Variants in PRRC2C observed in about 807,000 individuals in gnomAD.
PRRC2C encodes protein PRRC2C.
PRRC2C carries 72 observed loss-of-function variants against 317.2 expected under a neutral mutation model. That is an observed-to-expected ratio of 0.23 (90% CI 0.19 to 0.28). The LOEUF (loss-of-function observed/expected upper bound fraction) is 0.28, where lower values mean the gene tolerates loss of function less well. Among genes scored for constraint, PRRC2C ranks in the 10% least tolerant of loss-of-function variants. The pLI, the probability that PRRC2C is intolerant of heterozygous loss-of-function variation, is 1.00. For synonymous variants in PRRC2C, 1,296 were observed against 1,205.9 expected (o/e 1.07, Z -1.55); for missense variants, 3,074 against 3,459.7 (o/e 0.89, Z 2.80).
At chr1:171,542,888 G>C (rs564653828) in intron 16 of PRRC2C, among the ~76,000 whole-genome samples, 1 of 151,936 alleles carries the variant, frequency 6.6e-6, no homozygotes, top group East Asian at 2.0e-4. Context: ...AGCCTCCCAA[G>C]TAGCTGGGAC....
In PRRC2C at chr1:171,557,691, C is replaced by T; in HGVS notation, c.5579C>T (p.Ser1860Leu). 1 of 1,551,658 alleles carries T rather than the reference C, an allele frequency of 6.4e-7. No homozygotes were observed. The highest frequency in any genetic ancestry group is 8.7e-7 in the Non-Finnish European group (1 of 1,147,002). ...CCAGCTTCTGTCACCATTCTTGCCT[C>T]AGCCTCAATTCCCATTCTTGCTTCA... ...STPASVTILA[S>L]ASIPILASAL... The change falls in exon 19 of 35, where the codon TCA becomes TTA. Residue 1860 changes from serine to leucine, a missense_variant. Physicochemically the swap from Ser to Leu is moderately radical, Grantham distance 145 (BLOSUM62 -2). Coordinates refer to ENST00000647382, the MANE Select transcript of PRRC2C (RefSeq NM_001387844.1).
At chr1:171,553,310 C>T (rs1211159568) in intron 18 of PRRC2C, among the ~76,000 whole-genome samples, 2 of 151,894 alleles carry the variant, frequency 1.3e-5, no homozygotes, top group African/African-American at 4.8e-5. Context: ...TGGTGATATC[C>T]CCTTTATCAA....
intron 17 of PRRC2C, among the ~76,000 whole-genome samples, chr1:171,546,242 A>C (rs954422511): frequency 3.3e-5 from 5 of 152,200 alleles, no homozygotes; most frequent in African/African-American, 1.2e-4. Context: ...ATGAAGAAAA[A>C]ACAGACAAGG....
rs116748950 is a variant in PRRC2C at position 171,534,697 on chromosome 1, A to C, written c.1874-731A>C. On this transcript the variant is annotated intron_variant, in intron 12 of 34. Coordinates refer to ENST00000647382, the MANE Select transcript of PRRC2C (RefSeq NM_001387844.1). ...CACCTCAGCCTCCTGAGTTACTGTT[A>C]TTACAGTCATGCACCACCATGACCT... is the stretch of plus-strand genomic sequence containing the variant. 6.1e-3 allele frequency among the ~76,000 whole-genome samples: 924 copies of C among 152,078 alleles called. 8 individuals carry two copies. The highest frequency in any genetic ancestry group is 0.022 in the African/African-American group (892 of 41,458).
At chr1:171,506,599 G>T (rs1670268879) in intron 1 of PRRC2C, among the ~76,000 whole-genome samples, 1 of 57,244 alleles carries the variant, frequency 1.7e-5, no homozygotes, top group Non-Finnish European at 3.5e-5. Flanking sequence ...TTCACTTAAG[G>T]TCTTTTTTTT....
chr1:171,553,060 G>A (rs964964703), intron 18 of PRRC2C, among the ~76,000 whole-genome samples: 7 of 152,114 alleles, frequency 4.6e-5, no homozygotes, highest in Admixed American at 2.6e-4. Context: ...TTGTACCTCT[G>A]GTAGAATTCA....
In PRRC2C at chr1:171,520,797, CTTTTTTTTTTTTT is replaced by C. The variant is rs61220175; in HGVS notation, c.751-1370_751-1358del. On this transcript the variant is annotated intron_variant, in intron 6 of 34. Transcript: ENST00000647382. ...CCTGACTTAAGAGAAATTTCTTCTC[CTTTTTTTTTTTTT>C]TTTTTTTTTAATAAAGACGGAGTTT... 3.5e-3 allele frequency among the ~76,000 whole-genome samples: 378 copies of C among 109,324 alleles called. 2 individuals are homozygous for C. Among genetic ancestry groups the C allele is most frequent in the Middle Eastern group, 0.012 (2 of 168 alleles). The allele number at this position is 109,324 out of a possible 152,430, so 71.7% of individuals were successfully genotyped here. A position where few individuals can be genotyped will look rare whatever the true frequency, so the allele number is the denominator to read the frequency against.
At chr1:171,502,302 C>T (rs1669266607) in intron 1 of PRRC2C, among the ~76,000 whole-genome samples, 1 of 152,216 alleles carries the variant, frequency 6.6e-6, no homozygotes, top group African/African-American at 2.4e-5. Flanking sequence ...TCAAAAAATA[C>T]TATTGCCAGG....
chr1:171,510,546 T>A (rs1302320014), intron 1 of PRRC2C: 1 of 152,194 alleles, frequency 6.6e-6, no homozygotes, highest in Non-Finnish European at 1.5e-5. Flanking sequence ...AATTTGCCAA[T>A]AGGATAGATT....
intron 20 of PRRC2C, among the ~76,000 whole-genome samples, chr1:171,564,287 ATTC>A (rs1361382498): frequency 6.6e-6 from 1 of 152,150 alleles, no homozygotes; most frequent in African/African-American, 2.4e-5. Flanking sequence ...AGCTTTTATC[ATTC>A]TTTGTGTTAT....
intron 10 of PRRC2C, among the ~76,000 whole-genome samples, chr1:171,525,849 A>G (rs1231779471): frequency 6.6e-6 from 1 of 152,170 alleles, no homozygotes; most frequent in East Asian, 1.9e-4. Flanking sequence ...AAAACATGGC[A>G]CATTCAAGAA....
intron 1 of PRRC2C, among the ~76,000 whole-genome samples, chr1:171,502,571 G>C (rs1347187339): frequency 6.6e-6 from 1 of 152,102 alleles, no homozygotes; most frequent in East Asian, 1.9e-4. Context: ...TTTGTTAAAA[G>C]TTCCATGAAG....
Position 171,513,113 on chromosome 1 carries a change from C to T in PRRC2C, c.231C>T (p.Asn77=), listed in dbSNP as rs1041318971. The change falls in exon 3 of 35, where the codon AAC becomes AAT. Residue 77 remains asparagine (N), a synonymous_variant. Transcript: ENST00000647382. ...ACAAAGGCAATGATCCTAATGTAAA[C>T]ATTGTACCTAAAGATGGCACAGGGT... ...AENKGNDPNV[N]IVPKDGTGWA... 1.2e-6 allele frequency: 2 copies of T among 1,613,646 alleles called. No individual in the cohort carries two copies. The highest frequency in any genetic ancestry group is 1.7e-6 in the Non-Finnish European group (2 of 1,179,756).
chr1:171,537,831 G>A (rs966193590), intron 15 of PRRC2C, among the ~76,000 whole-genome samples: 2 of 152,122 alleles, frequency 1.3e-5, no homozygotes, highest in African/African-American at 4.8e-5. Context: ...TCAGCTTCCT[G>A]AGTGGCTGAG....
rs1219437076 is a variant in PRRC2C, at chr1:171,537,266, T to C, written c.2297T>C (p.Met766Thr). 1 of 1,585,154 alleles carries C rather than the reference T, an allele frequency of 6.3e-7. No homozygotes were observed. Among genetic ancestry groups the C allele is most frequent in the African/African-American group, 1.3e-5 (1 of 74,622 alleles). Residue 766 changes from methionine (M) to threonine (T), a missense_variant, in exon 15 of 35, where the codon ATG becomes ACG. By Grantham distance (81) the Met-to-Thr change is moderately conservative (BLOSUM62 -1). Transcript: ENST00000647382. The part of the protein sequence containing the change: ...AMDIPPIHPG[M>T]IPPKPLMRRD... ...TTTTTCTGAACTTTTGTTACAGGAA[T>C]GATTCCTCCTAAACCATTAATGAGA...
At chr1:171,547,206 T>C (rs1679278307) in intron 17 of PRRC2C, among the ~76,000 whole-genome samples, 1 of 152,246 alleles carries the variant, frequency 6.6e-6, no homozygotes, top group African/African-American at 2.4e-5. Flanking sequence ...ATTAAAGTTA[T>C]CTTTAAGAGT....
chr1:171,582,717 G>A (rs747713296), intron 28 of PRRC2C, among the ~76,000 whole-genome samples: 40 of 151,910 alleles, frequency 2.6e-4, no homozygotes, highest in African/African-American at 8.7e-4. Flanking sequence ...AAAATGGTAC[G>A]TACCATGTAT....
rs979222755 is a variant in PRRC2C, at chr1:171,542,088, C to T, written c.4622C>T (p.Ala1541Val). The T allele has an allele frequency of 6.2e-7, 1 of 1,613,862 alleles. No individual in the cohort carries two copies. Among genetic ancestry groups the T allele is most frequent in the Non-Finnish European group, 8.5e-7 (1 of 1,179,864 alleles). Residue 1541 changes from alanine to valine, a missense_variant, in exon 16 of 35, where the codon GCA becomes GTA. Transcript: ENST00000647382. The stretch of plus-strand genomic sequence containing the variant: ...GTTCTACCTCCAAAGAGGGAAATTG[C>T]AAAGAGAAGTTTTTCTAGTCAGAGA... Reference protein sequence around the residue: ...ENVLPPKREIAKRSFSSQRPV... With the variant: ...ENVLPPKREIVKRSFSSQRPV...
chr1:171,534,067 A>C (rs902547342), intron 12 of PRRC2C, among the ~76,000 whole-genome samples: 1 of 152,168 alleles, frequency 6.6e-6, no homozygotes, highest in Non-Finnish European at 1.5e-5. Flanking sequence ...AAATAATAAG[A>C]ATGTGTTTTT....
Sources: gnomAD v4.1 joint callset for allele counts (sites outside exome capture counted in the v4.1 genomes callset) on GRCh38, gnomAD v4.1.1 for gene constraint, MANE v1.5 for transcripts, NCBI Gene and HGNC (gene_info 2026-07-23, HGNC 2026-07-21) for gene names.